FYB1: variants seen among roughly 807,000 people sequenced by gnomAD.
FYB1 encodes the protein FYN binding protein 1, also known as FYN-binding protein 1.
A neutral mutation model predicts 94.1 loss-of-function variants in FYB1; 41 were observed. That is an observed-to-expected ratio of 0.44 (90% CI 0.34 to 0.57). FYB1 has a LOEUF of 0.57. Ranked by LOEUF, FYB1 falls within the 20% of genes least tolerant of loss-of-function variation. The probability of loss-of-function intolerance (pLI) is 0.02; values close to 1 mark genes in which losing one functional copy is unlikely to be tolerated. For synonymous variants in FYB1, 367 were observed against 353.2 expected (o/e 1.04, Z -0.44); for missense variants, 1,050 against 976.8 (o/e 1.07, Z -1.00).
chr5:39,129,845 T>G (rs1476070411), intron 10 of FYB1, among the ~76,000 whole-genome samples: 5 of 152,050 alleles, frequency 3.3e-5, no homozygotes, highest in Non-Finnish European at 7.4e-5. Flanking sequence ...ACAGTCATTA[T>G]GGAGATTTTT....
At chr5:39,137,439 G>T (rs1201003435) in intron 7 of FYB1, 161 bp downstream of exon 7, 22 of 666,526 alleles carry the variant, frequency 3.3e-5, no homozygotes, top group Non-Finnish European at 5.2e-5. Flanking sequence ...GGGATAAAAT[G>T]GTGTATTGGA....
chr5:39,232,543 ATTTATTTT>A (rs1301398270), intron 1 of FYB1, among the ~76,000 whole-genome samples: 2 of 148,674 alleles, frequency 1.3e-5, no homozygotes, highest in African/African-American at 5.2e-5. Context: ...TTATTTATTT[ATTTATTTT>A]TTATTTATTT....
chr5:39,206,461 A>T (rs888921027), intron 1 of FYB1, among the ~76,000 whole-genome samples: 1 of 152,146 alleles, frequency 6.6e-6, no homozygotes, highest in African/African-American at 2.4e-5. Flanking sequence ...TCTCATTCTG[A>T]TTTCATTGTA....
chr5:39,200,187 C>T (rs148619104), intron 2 of FYB1, among the ~76,000 whole-genome samples: 165 of 152,282 alleles, frequency 1.1e-3, no homozygotes, highest in Middle Eastern at 3.4e-3. Context: ...GGATAAACTC[C>T]GTCTGCTCTG....
rs1274080113 is a variant in FYB1, at chr5:39,116,909, A to G, written c.2401+1965T>C. Among the ~76,000 whole-genome samples the G allele has an allele frequency of 2.0e-5, 3 of 152,104 alleles. No homozygotes were observed. The East Asian group carries it at 5.8e-4, about 29-fold the overall frequency. On this transcript the variant is annotated intron_variant, in intron 16 of 18. Transcript: ENST00000512982. ...ACAAGATCCCCATTGATCTGTATGC[A>G]CTTCAAAGTTGGAGGAATGTTGCTT...
chr5:39,221,067 G>A (rs548381934), upstream of FYB1, among the ~76,000 whole-genome samples: 2 of 152,242 alleles, frequency 1.3e-5, no homozygotes, highest in South Asian at 4.2e-4. Flanking sequence ...CTGGCCCACA[G>A]CTACACAGGA....
chr5:39,166,973 G>T (rs1744795038), intron 2 of FYB1, among the ~76,000 whole-genome samples: 1 of 152,076 alleles, frequency 6.6e-6, no homozygotes, highest in African/African-American at 2.4e-5. Flanking sequence ...AAAAAGAAAG[G>T]AGGGACCCTG....
intron 13 of FYB1, among the ~76,000 whole-genome samples, chr5:39,123,781 T>C (rs561208770): frequency 3.1e-4 from 47 of 152,280 alleles, no homozygotes; most frequent in Non-Finnish European, 6.0e-4. Context: ...GATGAAAAAA[T>C]AGTAACTGAT....
At chr5:39,171,717 C>T (rs936560698) in intron 2 of FYB1, among the ~76,000 whole-genome samples, 2 of 152,188 alleles carry the variant, frequency 1.3e-5, no homozygotes, top group Admixed American at 6.5e-5. Context: ...TATTTGTTTG[C>T]AATTCTTAAT....
At chr5:39,189,157 T>A (rs1480086223) in intron 2 of FYB1, among the ~76,000 whole-genome samples, 1 of 151,912 alleles carries the variant, frequency 6.6e-6, no homozygotes, top group Non-Finnish European at 1.5e-5. Flanking sequence ...GGGGTATCCT[T>A]GTAATATTTT....
chr5:39,207,569 A>G (rs137939228), intron 1 of FYB1, among the ~76,000 whole-genome samples: 5 of 152,368 alleles, frequency 3.3e-5, no homozygotes, highest in Non-Finnish European at 7.3e-5. Flanking sequence ...CATGAAGGAC[A>G]GACATCCCAT....
At chr5:39,200,220 A>C (rs1748190860) in intron 2 of FYB1, among the ~76,000 whole-genome samples, 1 of 152,200 alleles carries the variant, frequency 6.6e-6, no homozygotes, top group Non-Finnish European at 1.5e-5. Context: ...GGTCCCTTGT[A>C]GCTTTACTTC....
intron 1 of FYB1, among the ~76,000 whole-genome samples, chr5:39,245,347 T>C (rs1286524945): frequency 6.6e-6 from 1 of 152,218 alleles, no homozygotes; most frequent in Admixed American, 6.5e-5. Context: ...TTTTGCAGTC[T>C]GAGGTGGAAG....
Position 39,127,730 on chromosome 5 carries a change from A to G in FYB1, c.1907+11T>C. On this transcript the variant is annotated intron_variant, in intron 11 of 18. Transcript: ENST00000512982. ...ATAATTTGCAAAAAGCAGTTCACTG[A>G]TTATTCTTACCCATCATCAGCATCT... 1.3e-6 allele frequency: 2 copies of G among 1,592,412 alleles called. No individual in the cohort carries two copies. Among genetic ancestry groups the G allele is most frequent in the Non-Finnish European group, 1.7e-6 (2 of 1,171,590 alleles).
chr5:39,148,164 T>C (rs1312466055), intron 3 of FYB1, among the ~76,000 whole-genome samples: 1 of 9,412 alleles, frequency 1.1e-4, no homozygotes, highest in African/African-American at 4.8e-4. Context: ...TTTATATATA[T>C]ATATATATAT....
At chr5:39,221,107 A>T (rs901033196), upstream of FYB1, among the ~76,000 whole-genome samples, 1 of 152,128 alleles carries the variant, frequency 6.6e-6, no homozygotes, top group Admixed American at 6.5e-5. Context: ...TCTTGACATT[A>T]GATTTGGCCA....
At chr5:39,228,523 T>C (rs1750579479) in intron 1 of FYB1, among the ~76,000 whole-genome samples, 1 of 116,064 alleles carries the variant, frequency 8.6e-6, no homozygotes, top group South Asian at 3.0e-4. Context: ...AGTTGTCACC[T>C]ATAGTAATGT....
intron 10 of FYB1, among the ~76,000 whole-genome samples, chr5:39,128,494 G>A (rs1368796139): frequency 1.3e-5 from 2 of 152,040 alleles, no homozygotes; most frequent in African/African-American, 4.8e-5. Flanking sequence ...AAATATAGGG[G>A]CCATTGAACT....
intron 1 of FYB1, among the ~76,000 whole-genome samples, chr5:39,252,175 A>T (rs1277817685): frequency 2.0e-5 from 3 of 151,946 alleles, no homozygotes; most frequent in African/African-American, 4.8e-5. Flanking sequence ...AAAAAATAAA[A>T]AAATAAAGAA....
Sources: gnomAD v4.1 joint callset for allele counts (sites outside exome capture counted in the v4.1 genomes callset) on GRCh38, gnomAD v4.1.1 for gene constraint, MANE v1.5 for transcripts, NCBI Gene and HGNC (gene_info 2026-07-23, HGNC 2026-07-21) for gene names.